The following FRMD5 variants were observed in gnomAD, a reference collection of about 807,000 sequenced individuals.
FRMD5 encodes FERM domain-containing protein 5.
In FRMD5, 20 loss-of-function variants were observed where a neutral mutation model predicts 69.0. The observed-to-expected ratio is 0.29, with a 90% CI of 0.20 to 0.42. FRMD5 has a LOEUF of 0.42. Among genes scored for constraint, FRMD5 ranks in the 10% least tolerant of loss-of-function variants. The pLI, the probability that FRMD5 is intolerant of heterozygous loss-of-function variation, is 1.00. For missense variants in FRMD5, 595 were observed against 708.6 expected, an observed-to-expected ratio of 0.84 and a Z score of 1.82; for synonymous variants, 271 against 260.1, an observed-to-expected ratio of 1.04 and a Z score of -0.40.
At chr15:43,946,692 G>T (rs1446546882) in intron 1 of FRMD5, among the ~76,000 whole-genome samples, 8 of 152,178 alleles carry the variant, frequency 5.3e-5, no homozygotes. Context: ...GAAGTTTAAT[G>T]AAAGAGTTCT....
At chr15:44,190,921 G>A (rs745961501) in intron 1 of FRMD5, among the ~76,000 whole-genome samples, 2 of 152,196 alleles carry the variant, frequency 1.3e-5, no homozygotes, top group African/African-American at 2.4e-5. Context: ...TAGAGTGCCT[G>A]GCAAGCACAG....
intron 1 of FRMD5, among the ~76,000 whole-genome samples, chr15:43,938,954 T>C (rs539503296): frequency 6.6e-6 from 1 of 152,224 alleles, no homozygotes; most frequent in East Asian, 1.9e-4. Flanking sequence ...CTCCGCCTCC[T>C]AGGTTGAAGG....
intron 4 of FRMD5, 85 bp from the exon 5 acceptor site, chr15:43,910,064 C>A (rs2089257801): frequency 1.7e-5 from 12 of 708,836 alleles, no homozygotes; most frequent in South Asian, 9.8e-5. Flanking sequence ...CTATCAAAAT[C>A]TTTGTCAGGA....
At chr15:43,977,849 A>G (rs2090487559) in intron 1 of FRMD5, among the ~76,000 whole-genome samples, 2 of 152,122 alleles carry the variant, frequency 1.3e-5, no homozygotes, top group Non-Finnish European at 2.9e-5. Flanking sequence ...AACTGTTGCT[A>G]GGGAGTTTAT....
intron 1 of FRMD5, among the ~76,000 whole-genome samples, chr15:44,022,932 C>CAT (rs1302944123): frequency 6.6e-6 from 1 of 152,096 alleles, no homozygotes; most frequent in African/African-American, 2.4e-5. Flanking sequence ...TACAGAATGG[C>CAT]TTCAGGTAGA....
At chr15:44,073,857 G>C (rs929642381) in intron 1 of FRMD5, among the ~76,000 whole-genome samples, 8 of 152,106 alleles carry the variant, frequency 5.3e-5, no homozygotes, top group African/African-American at 1.9e-4. Context: ...ACATTGGTAT[G>C]AACTGTGAGT....
At chr15:44,126,938 G>A (rs1487202280) in intron 1 of FRMD5, among the ~76,000 whole-genome samples, 1 of 152,166 alleles carries the variant, frequency 6.6e-6, no homozygotes, top group Non-Finnish European at 1.5e-5. Flanking sequence ...ACTGGGCACT[G>A]CTACATTCAT....
At chr15:43,945,744 C>T (rs1011945320) in intron 1 of FRMD5, among the ~76,000 whole-genome samples, 1 of 152,182 alleles carries the variant, frequency 6.6e-6, no homozygotes, top group Non-Finnish European at 1.5e-5. Flanking sequence ...AAGCAAAACT[C>T]TGCCCCCTGC....
chr15:43,894,967 A>G (rs761483460), intron 7 of FRMD5, among the ~76,000 whole-genome samples: 2 of 152,104 alleles, frequency 1.3e-5, no homozygotes, highest in Non-Finnish European at 2.9e-5. Context: ...TGTTTGTTTT[A>G]GAGACAAGGT....
intron 1 of FRMD5, among the ~76,000 whole-genome samples, chr15:44,056,989 C>A (rs1426406760): frequency 6.6e-6 from 1 of 152,200 alleles, no homozygotes; most frequent in Admixed American, 6.5e-5. Flanking sequence ...GGCATGGAAT[C>A]TGGCTTTCCA....
At chr15:44,011,815 A>G (rs1485135206) in intron 1 of FRMD5, among the ~76,000 whole-genome samples, 1 of 152,196 alleles carries the variant, frequency 6.6e-6, no homozygotes, top group Non-Finnish European at 1.5e-5. Context: ...AAAGAGGCTC[A>G]AGAGGGTGTA....
intron 1 of FRMD5, among the ~76,000 whole-genome samples, chr15:43,946,922 C>T (rs1236581716): frequency 6.6e-6 from 1 of 152,182 alleles, no homozygotes; most frequent in Non-Finnish European, 1.5e-5. Context: ...TGGTAGGCAA[C>T]TTCAGTCTTT....
At chr15:43,973,101 C>G (rs1032788726) in intron 1 of FRMD5, among the ~76,000 whole-genome samples, 1 of 151,960 alleles carries the variant, frequency 6.6e-6, no homozygotes, top group South Asian at 2.1e-4. Context: ...CGGCTCACTG[C>G]AAGCACTGCC....
At chr15:43,937,435 C>G (rs2089779796) in intron 1 of FRMD5, among the ~76,000 whole-genome samples, 1 of 152,012 alleles carries the variant, frequency 6.6e-6, no homozygotes, top group African/African-American at 2.4e-5. Context: ...GCCGGGAGTT[C>G]AAGACCAGCC....
At chr15:43,949,422 C>T (rs1461680151) in intron 1 of FRMD5, among the ~76,000 whole-genome samples, 1 of 152,176 alleles carries the variant, frequency 6.6e-6, no homozygotes, top group Admixed American at 6.5e-5. Flanking sequence ...ATTCTACTTC[C>T]TACTAAACTG....
intron 1 of FRMD5, among the ~76,000 whole-genome samples, chr15:43,954,336 T>C (rs2090081985): frequency 6.6e-6 from 1 of 152,196 alleles, no homozygotes; most frequent in Admixed American, 6.5e-5. Context: ...AGCTCATCAC[T>C]GCACTGGGTA....
intron 13 of FRMD5, 152 bp from the exon 14 acceptor site, chr15:43,874,614 G>A (rs775063217): frequency 5.8e-5 from 37 of 637,664 alleles, no homozygotes; most frequent in Non-Finnish European, 6.4e-5. Flanking sequence ...TCGAGAAGAC[G>A]ACAGGCCGGG....
chr15:44,108,759 T>G (rs116555750), intron 1 of FRMD5, among the ~76,000 whole-genome samples: 1 of 151,698 alleles, frequency 6.6e-6, no homozygotes, highest in South Asian at 2.1e-4. Flanking sequence ...AAGCTAGGAG[T>G]TGGAGACCAG....
chr15:44,117,471 G>A (rs755557396), intron 1 of FRMD5, among the ~76,000 whole-genome samples: 5 of 152,182 alleles, frequency 3.3e-5, no homozygotes, highest in South Asian at 4.1e-4. Flanking sequence ...ATCAGATTGG[G>A]GTAGCGGAAA....
Sources: allele counts gnomAD v4.1 joint callset (sites outside exome capture counted in the v4.1 genomes callset), GRCh38; gene constraint gnomAD v4.1.1; transcripts MANE v1.5; gene names NCBI Gene and HGNC (gene_info 2026-07-23, HGNC 2026-07-21).